The following DCUN1D4 variants were observed in gnomAD, a reference collection of about 807,000 sequenced individuals.
DCUN1D4 encodes defective in cullin neddylation 1 domain containing 4, also known as DCN1-like protein 4.
Under a neutral mutation model 47.9 loss-of-function variants are expected in DCUN1D4, and 22 were observed. The ratio of observed to expected loss-of-function variants is 0.46; its 90% confidence interval spans 0.33 to 0.66. DCUN1D4 has a LOEUF of 0.66. Ranked by LOEUF, DCUN1D4 falls within the 30% of genes least tolerant of loss-of-function variation. The pLI, the probability that DCUN1D4 is intolerant of heterozygous loss-of-function variation, is 0.02. For synonymous variants in DCUN1D4, 121 were observed against 112.2 expected, an observed-to-expected ratio of 1.08 and a Z score of -0.50; for missense variants, 301 against 340.8, an observed-to-expected ratio of 0.88 and a Z score of 0.92.
Position 51,877,807 on chromosome 4 carries a change from A to C in DCUN1D4, c.296A>C (p.Glu99Ala), listed in dbSNP as rs1219232243. Residue 99 changes from glutamate to alanine, a missense_variant, in exon 5 of 11, where the codon GAA (glutamate) becomes GCA (alanine). By Grantham distance (107) the Glu-to-Ala change is moderately radical. Transcript: ENST00000334635. ...YDSTRIKTEE[E>A]AFSSKRCLEW... The stretch of plus-strand genomic sequence containing the variant: ...TCGACTAGAATAAAGACTGAAGAAG[A>C]AGCCTTTTCAAGTAAAAGGTGCTTG... 6.2e-7 allele frequency: 1 copy of C among 1,612,390 alleles called. No individual in the cohort carries two copies. The highest frequency in any genetic ancestry group is 2.2e-5 in the East Asian group (1 of 44,804).
At chr4:51,859,374 G>A (rs1175050621) in intron 1 of DCUN1D4, among the ~76,000 whole-genome samples, 1 of 152,012 alleles carries the variant, frequency 6.6e-6, no homozygotes, top group Non-Finnish European at 1.5e-5. Context: ...ATGGTATAAA[G>A]GGAAGTTTTT....
intron 7 of DCUN1D4, 70 bp downstream of exon 7, chr4:51,891,921 T>A: frequency 1.7e-6 from 2 of 1,186,686 alleles, no homozygotes; most frequent in Non-Finnish European, 2.4e-6. Context: ...TCCCTAGGAC[T>A]TCAGGAGGTG....
intron 8 of DCUN1D4, among the ~76,000 whole-genome samples, chr4:51,905,611 T>C (rs962398615): frequency 1.3e-5 from 2 of 152,194 alleles, no homozygotes; most frequent in Non-Finnish European, 2.9e-5. Context: ...ATGAAGAGAA[T>C]AGACTAAAAT....
upstream of DCUN1D4, chr4:51,843,038 G>A (rs1296121240): frequency 7.3e-7 from 1 of 1,368,156 alleles, no homozygotes; most frequent in Non-Finnish European, 9.4e-7. Context: ...CCAGACCGGC[G>A]CTATGGGCAC....
intron 3 of DCUN1D4, among the ~76,000 whole-genome samples, chr4:51,871,261 A>C (rs1726851934): frequency 6.6e-6 from 1 of 152,230 alleles, no homozygotes; most frequent in South Asian, 2.1e-4. Context: ...AGTATTTGTG[A>C]AACTTTTAAT....
Position 51,888,671 on chromosome 4 carries a change from C to G in DCUN1D4, c.414+2033C>G, listed in dbSNP as rs563195033. On this transcript the variant is annotated intron_variant, in intron 6 of 10. Transcript: ENST00000334635. ...GAGGTGGAGGTTGCAGTGAGCAGAGCCGACATCATGCCACTGCACTCCAGC... is the reference window on the plus strand; with the variant it reads ...GAGGTGGAGGTTGCAGTGAGCAGAGGCGACATCATGCCACTGCACTCCAGC... 2.6e-3 allele frequency among the ~76,000 whole-genome samples: 372 copies of G among 144,644 alleles called. 2 individuals are homozygous for G. The highest frequency in any genetic ancestry group is 3.9e-3 in the Non-Finnish European group (255 of 64,688). The allele number at this position is 144,644 out of a possible 152,430, so 94.9% of individuals were successfully genotyped here.
At chr4:51,889,075 CTT>C (rs1426574099) in intron 6 of DCUN1D4, among the ~76,000 whole-genome samples, 3 of 152,138 alleles carry the variant, frequency 2.0e-5, no homozygotes, top group Non-Finnish European at 2.9e-5. Flanking sequence ...CACCACTGTA[CTT>C]CATCCTGGGC....
At chr4:51,849,127 C>G (rs1006809225) in intron 1 of DCUN1D4, among the ~76,000 whole-genome samples, 3 of 152,174 alleles carry the variant, frequency 2.0e-5, no homozygotes, top group East Asian at 3.8e-4. Flanking sequence ...CACTGTCAGT[C>G]CATTGACTCT....
At chr4:51,872,867 A>G (rs1727111670) in intron 3 of DCUN1D4, among the ~76,000 whole-genome samples, 1 of 152,260 alleles carries the variant, frequency 6.6e-6, no homozygotes, top group Non-Finnish European at 1.5e-5. Flanking sequence ...GAAGGCCGCC[A>G]TGAGCGCAGT....
chr4:51,852,776 A>G (rs1723558771), intron 1 of DCUN1D4, among the ~76,000 whole-genome samples: 2 of 152,220 alleles, frequency 1.3e-5, no homozygotes, highest in South Asian at 4.1e-4. Flanking sequence ...AGGTTCTGTT[A>G]TTTCGGCTTT....
rs182118420 is a variant in DCUN1D4, at chr4:51,880,896, A to G, written c.343+3042A>G. ...CTGTAATCCTAACACTGGGAGGTCA[A>G]GGCGGGTGGATCATGAGATCAGGAG... On this transcript the variant is annotated intron_variant, in intron 5 of 10. Transcript: ENST00000334635. Among the ~76,000 whole-genome samples the G allele has an allele frequency of 1.1e-3, 164 of 152,286 alleles. 1 individual carries two copies. The highest frequency in any genetic ancestry group is 3.8e-3 in the Admixed American group (58 of 15,298).
intron 5 of DCUN1D4, among the ~76,000 whole-genome samples, chr4:51,879,601 C>T (rs532358431): frequency 5.3e-5 from 8 of 152,288 alleles, no homozygotes; most frequent in South Asian, 2.1e-4. Flanking sequence ...AGCAAGACTC[C>T]GTCTCCAGAA....
chr4:51,852,544 A>G (rs1163484378), intron 1 of DCUN1D4, among the ~76,000 whole-genome samples: 1 of 152,172 alleles, frequency 6.6e-6, no homozygotes, highest in African/African-American at 2.4e-5. Flanking sequence ...TTTAAGTCCA[A>G]TAGCTAGTGA....
intron 5 of DCUN1D4, among the ~76,000 whole-genome samples, chr4:51,883,920 C>T (rs1729074223): frequency 6.7e-6 from 1 of 149,586 alleles, no homozygotes; most frequent in Non-Finnish European, 1.5e-5. Flanking sequence ...TATTAATGTA[C>T]AAAACTAAAA....
intron 5 of DCUN1D4, among the ~76,000 whole-genome samples, chr4:51,878,567 T>C (rs1475327196): frequency 6.6e-6 from 1 of 152,172 alleles, no homozygotes; most frequent in African/African-American, 2.4e-5. Context: ...TTGTCTAATT[T>C]TTTTAAAACT....
chr4:51,839,936 C>T (rs913295758), upstream of DCUN1D4, among the ~76,000 whole-genome samples: 5 of 152,132 alleles, frequency 3.3e-5, no homozygotes, highest in African/African-American at 4.8e-5. Flanking sequence ...TTCTCCATAT[C>T]ACATTCTAAT....
At chr4:51,910,239 T>C (rs568328273) in intron 8 of DCUN1D4, among the ~76,000 whole-genome samples, 1 of 152,244 alleles carries the variant, frequency 6.6e-6, no homozygotes, top group Non-Finnish European at 1.5e-5. Context: ...TGACCGCTTG[T>C]AGTTCTGGAA....
intron 3 of DCUN1D4, among the ~76,000 whole-genome samples, chr4:51,871,846 T>A (rs558972386): frequency 4.6e-5 from 7 of 152,236 alleles, no homozygotes; most frequent in Non-Finnish European, 1.0e-4. Flanking sequence ...CCTTTTAATA[T>A]GCTTTAGTGG....
intron 6 of DCUN1D4, among the ~76,000 whole-genome samples, chr4:51,890,446 CAT>C (rs573448082): frequency 2.9e-4 from 44 of 152,280 alleles, no homozygotes; most frequent in South Asian, 2.7e-3. Context: ...CTTGGAGAAA[CAT>C]GTGTTTATCT....
Sources: allele counts gnomAD v4.1 joint callset (sites outside exome capture counted in the v4.1 genomes callset), GRCh38; gene constraint gnomAD v4.1.1; transcripts MANE v1.5; gene names NCBI Gene and HGNC (gene_info 2026-07-23, HGNC 2026-07-21).